Variants in RAP1GDS1 observed in about 807,000 individuals in gnomAD.
The protein encoded by RAP1GDS1 is Rap1 GTPase-GDP dissociation stimulator 1.
RAP1GDS1 carries 35 observed loss-of-function variants against 71.1 expected under a neutral mutation model. That is an observed-to-expected ratio of 0.49 (90% CI 0.38 to 0.65). The LOEUF is 0.65. Among genes scored for constraint, RAP1GDS1 ranks in the 30% least tolerant of loss-of-function variants. The pLI is 0.00. For synonymous variants in RAP1GDS1, 229 were observed against 243.1 expected (o/e 0.94, Z 0.54); for missense variants, 663 against 706.1 (o/e 0.94, Z 0.69).
At chr4:98,304,016 C>T (rs916250619) in intron 2 of RAP1GDS1, among the ~76,000 whole-genome samples, 1 of 152,118 alleles carries the variant, frequency 6.6e-6, no homozygotes, top group African/African-American at 2.4e-5. Flanking sequence ...ATCCATGTCC[C>T]TACAAAGGAC....
intron 12 of RAP1GDS1, among the ~76,000 whole-genome samples, chr4:98,427,375 CAA>C (rs1749760749): frequency 6.6e-6 from 1 of 152,080 alleles, no homozygotes; most frequent in African/African-American, 2.4e-5. Flanking sequence ...AGCAATCAGA[CAA>C]GAGAAAGAAA....
chr4:98,349,456 T>C (rs1323983847), intron 3 of RAP1GDS1, among the ~76,000 whole-genome samples: 1 of 152,192 alleles, frequency 6.6e-6, no homozygotes, highest in African/African-American at 2.4e-5. Context: ...GTGGGCTCTT[T>C]TTTGGTTCCA....
intron 2 of RAP1GDS1, among the ~76,000 whole-genome samples, chr4:98,299,835 G>A (rs1167999618): frequency 6.6e-6 from 1 of 151,746 alleles, no homozygotes; most frequent in Non-Finnish European, 1.5e-5. Context: ...TGGCCAGGTT[G>A]GTCTCGAACT....
At chr4:98,366,037 G>T (rs943796216) in intron 4 of RAP1GDS1, among the ~76,000 whole-genome samples, 4 of 152,124 alleles carry the variant, frequency 2.6e-5, no homozygotes, top group African/African-American at 9.7e-5. Context: ...ACAAGTGGTG[G>T]TTCTCTTTCT....
chr4:98,283,255 G>T (rs1725446657), intron 1 of RAP1GDS1, among the ~76,000 whole-genome samples: 1 of 152,122 alleles, frequency 6.6e-6, no homozygotes, highest in South Asian at 2.1e-4. Flanking sequence ...GCTACATTTG[G>T]TCTCCAAAAT....
chr4:98,320,052 T>C (rs997233861), intron 2 of RAP1GDS1, among the ~76,000 whole-genome samples: 6 of 152,186 alleles, frequency 3.9e-5, no homozygotes, highest in African/African-American at 1.4e-4. Context: ...GTCTTCTGTA[T>C]GATTTTCTTA....
At chr4:98,415,442 T>G (rs2110179683) in intron 7 of RAP1GDS1, among the ~76,000 whole-genome samples, 1 of 152,320 alleles carries the variant, frequency 6.6e-6, no homozygotes, top group South Asian at 2.1e-4. Context: ...ATTATGAGTA[T>G]TATTTGGGAA....
Position 98,330,591 on chromosome 4 carries a change from C to T in RAP1GDS1, c.113-12548C>T, listed in dbSNP as rs1169425563. Among the ~76,000 whole-genome samples, 27 of 143,288 alleles carry T rather than the reference C, an allele frequency of 1.9e-4. No homozygotes were observed. The East Asian group carries it at 2.1e-3, about 11-fold the overall frequency. The allele number at this position is 143,288 out of a possible 152,430, so 94.0% of individuals were successfully genotyped here. The stretch of plus-strand genomic sequence containing the variant: ...CTCCTCACATCCCAGACGGGGCGGC[C>T]GGGCAGAGGCGCTCCCCACATCCCA... On this transcript the variant is annotated intron_variant, in intron 2 of 14. Transcript: ENST00000408927.
intron 13 of RAP1GDS1, 135 bp downstream of exon 13, chr4:98,434,197 T>C (rs1750837283): frequency 1.9e-6 from 2 of 1,079,938 alleles, no homozygotes; most frequent in Non-Finnish European, 2.6e-6. Context: ...TCTGAATCTA[T>C]GGAAAATCAT....
chr4:98,302,915 G>T (rs1370354939), intron 2 of RAP1GDS1, among the ~76,000 whole-genome samples: 1 of 152,116 alleles, frequency 6.6e-6, no homozygotes, highest in African/African-American at 2.4e-5. Context: ...GTCTGGTCAT[G>T]CATGCCTGTA....
chr4:98,281,090 T>A (rs777003743), intron 1 of RAP1GDS1, among the ~76,000 whole-genome samples: 1 of 152,190 alleles, frequency 6.6e-6, no homozygotes, highest in Non-Finnish European at 1.5e-5. Context: ...CTTGGCAATG[T>A]GGGCTCTTTT....
At chr4:98,333,845 G>C (rs1224355596) in intron 2 of RAP1GDS1, among the ~76,000 whole-genome samples, 1 of 151,974 alleles carries the variant, frequency 6.6e-6, no homozygotes, top group Non-Finnish European at 1.5e-5. Flanking sequence ...AGAACACACA[G>C]CTGTTTTTAT....
intron 3 of RAP1GDS1, among the ~76,000 whole-genome samples, chr4:98,348,123 A>G (rs553842016): frequency 4.8e-5 from 7 of 144,356 alleles, no homozygotes; most frequent in South Asian, 2.2e-4. Flanking sequence ...CCGTACCCCC[A>G]CCCCACAACA....
chr4:98,280,638 C>A (rs557181154), intron 1 of RAP1GDS1, among the ~76,000 whole-genome samples: 24 of 152,118 alleles, frequency 1.6e-4, no homozygotes, highest in African/African-American at 5.8e-4. Context: ...TCAATTTTGG[C>A]TTTTGTTGCC....
At chr4:98,337,979 C>T (rs1388633225) in intron 2 of RAP1GDS1, among the ~76,000 whole-genome samples, 1 of 152,036 alleles carries the variant, frequency 6.6e-6, no homozygotes. Flanking sequence ...GAAGTTTATT[C>T]TTATACTATT....
chr4:98,439,965 A>G (rs1465583689), intron 14 of RAP1GDS1, among the ~76,000 whole-genome samples: 1 of 152,094 alleles, frequency 6.6e-6, no homozygotes. Context: ...CCAAACTGAA[A>G]CTCTGTACTC....
intron 11 of RAP1GDS1, 76 bp downstream of exon 11, chr4:98,420,220 T>C: frequency 7.8e-7 from 1 of 1,284,580 alleles, no homozygotes. Flanking sequence ...AAAGGACTTG[T>C]TTTTAGCTTT....
At chr4:98,261,702 C>G in intron 1 of RAP1GDS1, 133 bp downstream of exon 1, 1 of 1,212,776 alleles carries the variant, frequency 8.2e-7, no homozygotes, top group Non-Finnish European at 1.1e-6. Context: ...GGCTGTTCCT[C>G]CGGGGAGAGT....
In RAP1GDS1 at chr4:98,365,028, G is replaced by GA. The variant is rs113628703; in HGVS notation, c.361+12436dup. 3.8e-3 allele frequency among the ~76,000 whole-genome samples: 572 copies of GA among 149,418 alleles called. 2 individuals are homozygous for GA. The highest frequency in any genetic ancestry group is 0.012 in the African/African-American group (485 of 40,782). On this transcript the variant is annotated intron_variant, in intron 4 of 14. Coordinates refer to ENST00000408927, the MANE Select transcript of RAP1GDS1 (RefSeq NM_001100427.2). ...GCAAGAAGACCCTGTCTCAAAAAAA[G>GA]AAAAAAAAAGTATGTATGTGAATAA...
Sources: gnomAD v4.1 joint callset for allele counts (sites outside exome capture counted in the v4.1 genomes callset) on GRCh38, gnomAD v4.1.1 for gene constraint, MANE v1.5 for transcripts, NCBI Gene and HGNC (gene_info 2026-07-23, HGNC 2026-07-21) for gene names.